MCPH1: variants seen among roughly 807,000 people sequenced by gnomAD.
The protein encoded by MCPH1 is microcephalin.
MCPH1 carries 104 observed loss-of-function variants against 84.5 expected under a neutral mutation model. The ratio of observed to expected loss-of-function variants is 1.23; its 90% CI spans 1.05 to 1.45. The LOEUF is 1.45. MCPH1 is among the 40% of genes most tolerant of loss of function. The pLI is 0.00. For synonymous variants in MCPH1, 514 were observed against 366.8 expected (o/e 1.40, Z -4.58); for missense variants, 1,498 against 1,005.7 (o/e 1.49, Z -6.62).
intron 12 of MCPH1, among the ~76,000 whole-genome samples, chr8:6,539,903 G>C (rs1004270611): frequency 6.6e-6 from 1 of 152,188 alleles, no homozygotes; most frequent in Non-Finnish European, 1.5e-5. Context: ...TAATTTATGA[G>C]TGACTATCTG....
chr8:6,445,656 C>G, intron 8 of MCPH1, 109 bp downstream of exon 8: 1 of 1,464,492 alleles, frequency 6.8e-7, no homozygotes, highest in Non-Finnish European at 9.0e-7. Flanking sequence ...CCATTTACTC[C>G]TCTTTTTACT....
intron 9 of MCPH1, among the ~76,000 whole-genome samples, chr8:6,470,370 G>A (rs1159750406): frequency 1.3e-5 from 2 of 151,978 alleles, no homozygotes; most frequent in African/African-American, 2.4e-5. Context: ...TGCAACTTCC[G>A]TCTCCCGGGT....
At chr8:6,468,533 G>C (rs1807284966) in intron 9 of MCPH1, among the ~76,000 whole-genome samples, 1 of 152,102 alleles carries the variant, frequency 6.6e-6, no homozygotes, top group Non-Finnish European at 1.5e-5. Flanking sequence ...GGGAGCTTTA[G>C]TGTTAGATAC....
intron 13 of MCPH1, among the ~76,000 whole-genome samples, chr8:6,631,409 A>T (rs1797148704): frequency 6.6e-6 from 1 of 152,196 alleles, no homozygotes; most frequent in African/African-American, 2.4e-5. Context: ...AGTAGGAGAA[A>T]ATATTTGCAA....
At chr8:6,617,809 G>A (rs756910035) in intron 12 of MCPH1, among the ~76,000 whole-genome samples, 7 of 151,910 alleles carry the variant, frequency 4.6e-5, no homozygotes, top group Non-Finnish European at 1.0e-4. Flanking sequence ...CCCAAGTAGC[G>A]GAAACTATAG....
At chr8:6,492,148 G>C (rs1260788414) in intron 11 of MCPH1, among the ~76,000 whole-genome samples, 1 of 152,176 alleles carries the variant, frequency 6.6e-6, no homozygotes. Flanking sequence ...GTTGTTTCCT[G>C]ACTTTTTAAT....
intron 12 of MCPH1, chr8:6,513,628 C>T (rs373334690): frequency 1.8e-5 from 28 of 1,548,624 alleles, no homozygotes; most frequent in South Asian, 3.7e-5. Context: ...CCACCGTGCC[C>T]GGCCACAAAT....
intron 9 of MCPH1, among the ~76,000 whole-genome samples, chr8:6,458,265 G>A (rs1436535412): frequency 6.6e-6 from 1 of 152,104 alleles, no homozygotes; most frequent in South Asian, 2.1e-4. Context: ...GAGGTCAGGA[G>A]ATCAAGACCA....
intron 12 of MCPH1, among the ~76,000 whole-genome samples, chr8:6,609,649 G>T (rs1830080473): frequency 6.6e-6 from 1 of 152,194 alleles, no homozygotes; most frequent in African/African-American, 2.4e-5. Flanking sequence ...AGCTAAGCCG[G>T]GAGCGATTAT....
intron 12 of MCPH1, chr8:6,532,221 G>T: frequency 8.1e-7 from 1 of 1,228,480 alleles, no homozygotes; most frequent in Non-Finnish European, 1.2e-6. Flanking sequence ...CTTTTCTCCT[G>T]TGGTGGTGCT....
At chr8:6,475,324 T>A (rs975966576) in intron 9 of MCPH1, among the ~76,000 whole-genome samples, 1 of 152,240 alleles carries the variant, frequency 6.6e-6, no homozygotes, top group African/African-American at 2.4e-5. Flanking sequence ...GACAGCCTGA[T>A]GCTTTGTTCT....
intron 13 of MCPH1, among the ~76,000 whole-genome samples, chr8:6,641,570 A>T (rs1036407109): frequency 6.6e-6 from 1 of 152,084 alleles, no homozygotes; most frequent in African/African-American, 2.4e-5. Flanking sequence ...AAAGTGAGAC[A>T]TTGGCTCTAC....
At chr8:6,526,578 T>A (rs903810512) in intron 12 of MCPH1, among the ~76,000 whole-genome samples, 1 of 152,238 alleles carries the variant, frequency 6.6e-6, no homozygotes, top group Non-Finnish European at 1.5e-5. Context: ...TATTTGCTTT[T>A]CAAAACCCTA....
chr8:6,501,105 C>G (rs763395715), intron 12 of MCPH1: 1 of 152,156 alleles, frequency 6.6e-6, no homozygotes, highest in Non-Finnish European at 1.5e-5. Flanking sequence ...AGATACAGTT[C>G]TAAGATAGGG....
Position 6,554,616 on chromosome 8 carries a change from A to G in MCPH1, c.2214+54687A>G, listed in dbSNP as rs552878399. ...TAAAATAGTAAAATATTAAATATCA[A>G]CTATGAATATTTTGTGGTGGTAAGT... On this transcript the variant is annotated intron_variant, in intron 12 of 13. Transcript: ENST00000344683. Among the ~76,000 whole-genome samples, 3 of 152,358 alleles carry G rather than the reference A, an allele frequency of 2.0e-5. No homozygotes were observed. The South Asian group carries it at 6.2e-4, about 32-fold the overall frequency.
At chr8:6,610,617 C>G (rs1830174915) in intron 12 of MCPH1, among the ~76,000 whole-genome samples, 1 of 152,168 alleles carries the variant, frequency 6.6e-6, no homozygotes, top group African/African-American at 2.4e-5. Context: ...TTAAGGCTTT[C>G]TTTTCCCCCA....
rs145581363 is a variant in MCPH1, at chr8:6,530,401, C to T, written c.2214+30472C>T. Among the ~76,000 whole-genome samples, 591 of 150,614 alleles carry T rather than the reference C, an allele frequency of 3.9e-3. 1 individual carries two copies. The highest frequency in any genetic ancestry group is 0.014 in the African/African-American group (558 of 41,048). On this transcript the variant is annotated intron_variant, in intron 12 of 13. Transcript: ENST00000344683. ...GCCTGCACCTGTAATCCCAGCTACG[C>T]GGGAGGCTAAGGCACGAGAATCGCT...
At chr8:6,435,675 G>A (rs971183964) in intron 4 of MCPH1, among the ~76,000 whole-genome samples, 12 of 152,148 alleles carry the variant, frequency 7.9e-5, no homozygotes, top group African/African-American at 2.9e-4. Context: ...TTCAGGGGCC[G>A]TGGCAATTAA....
chr8:6,523,724 G>C (rs1169087161), intron 12 of MCPH1, among the ~76,000 whole-genome samples: 1 of 152,024 alleles, frequency 6.6e-6, no homozygotes, highest in Non-Finnish European at 1.5e-5. Context: ...TGAGTAGTTA[G>C]GATTACAGGT....
Sources: allele counts gnomAD v4.1 joint callset (sites outside exome capture counted in the v4.1 genomes callset), GRCh38; gene constraint gnomAD v4.1.1; transcripts MANE v1.5; gene names NCBI Gene and HGNC (gene_info 2026-07-23, HGNC 2026-07-21).